HHIPL1: variants seen among roughly 807,000 people sequenced by gnomAD.
HHIPL1 encodes the protein HHIP-like protein 1.
Under a neutral mutation model 61.8 loss-of-function variants are expected in HHIPL1, and 43 were observed. That is an observed-to-expected ratio of 0.70 (90% confidence interval 0.55 to 0.90). HHIPL1 has a LOEUF of 0.90. Ranked by LOEUF, HHIPL1 falls within the 40% of genes least tolerant of loss-of-function variation. HHIPL1 has a pLI of 0.00. For synonymous variants in HHIPL1, 482 were observed against 515.8 expected (o/e 0.93, Z 0.89); for missense variants, 1,056 against 1,157.7 (o/e 0.91, Z 1.28).
Position 99,675,411 on chromosome 14 carries a change from G to T in HHIPL1, c.2134G>T (p.Val712Leu). 6.5e-7 allele frequency: 1 copy of T among 1,529,848 alleles called. No individual in the cohort carries two copies. Among genetic ancestry groups the T allele is most frequent in the Non-Finnish European group, 8.8e-7 (1 of 1,141,726 alleles). The allele number at this position is 1,529,848 out of a possible 1,614,324, so 94.8% of individuals were successfully genotyped here. A position where few individuals can be genotyped will look rare whatever the true frequency, so the allele number is the denominator to read the frequency against. ...CTGGAACATCAGCGGCGCCGCCGTC[G>T]TGTGTCGCCAGCTGGGGTTTGCCTA... ...DSWNISGAAV[V>L]CRQLGFAYAV... Residue 712 changes from valine (V) to leucine (L), a missense_variant, in exon 9 of 9, where the codon GTG becomes TTG. Physicochemically the swap from Val to Leu is conservative, Grantham distance 32. Coordinates refer to ENST00000330710, the MANE Select transcript of HHIPL1 (RefSeq NM_001127258.3). The surrounding 1 kb of genome is among the most constrained non-coding windows in gnomAD (Gnocchi z 5.4).
chr14:99,672,898 C>T (rs1222280806), intron 8 of HHIPL1, among the ~76,000 whole-genome samples: 1 of 152,160 alleles, frequency 6.6e-6, no homozygotes, highest in Non-Finnish European at 1.5e-5. Context: ...AACAAAGACC[C>T]TGTGTTGCCA....
chr14:99,654,460 C>T (rs960674120), intron 2 of HHIPL1, among the ~76,000 whole-genome samples: 1 of 152,210 alleles, frequency 6.6e-6, no homozygotes, highest in South Asian at 2.1e-4. Context: ...GTGCTCCTCC[C>T]TCTCCAGGCT....
chr14:99,637,728 G>T, the HHIPL1 span, among the ~76,000 whole-genome samples: 1 of 152,190 alleles, frequency 6.6e-6, no homozygotes, highest in Non-Finnish European at 1.5e-5. Context: ...TGAGGCTCAC[G>T]TGAGGCCATG....
chr14:99,631,870 C>T, the HHIPL1 span, among the ~76,000 whole-genome samples: 1 of 152,212 alleles, frequency 6.6e-6, no homozygotes. Context: ...GTCCTACTGG[C>T]CAAAGTGCCC....
intron 1 of HHIPL1, 139 bp from the exon 2 acceptor site, chr14:99,652,085 G>C: frequency 2.7e-6 from 2 of 728,300 alleles, no homozygotes; most frequent in Admixed American, 5.6e-5. Flanking sequence ...GAGGCTTATC[G>C]TGGTAACAGG....
Position 99,675,040 on chromosome 14 carries a change from C to T in HHIPL1, c.1814-51C>T. 1 of 1,031,604 alleles carries T rather than the reference C, an allele frequency of 9.7e-7. No individual in the cohort carries two copies. The highest frequency in any genetic ancestry group is 1.2e-6 in the Non-Finnish European group (1 of 834,528). 63.9% of individuals were successfully genotyped at this position (1,031,604 alleles called of 1,614,324 possible). On this transcript the variant is annotated intron_variant, in intron 8 of 8. Coordinates refer to ENST00000330710, the MANE Select transcript of HHIPL1 (RefSeq NM_001127258.3). The surrounding 1 kb of genome is among the most constrained non-coding windows in gnomAD (Gnocchi z 5.4). ...GGGCAGCACAGGGTGGGCAGCAGGG[C>T]TGGACAGGGGCGCCTGGGTCCCTCT...
intron 1 of HHIPL1, among the ~76,000 whole-genome samples, chr14:99,649,425 G>T (rs2055891631): frequency 6.6e-6 from 1 of 152,236 alleles, no homozygotes; most frequent in Non-Finnish European, 1.5e-5. Flanking sequence ...GCATCATGAG[G>T]CTTGGGTGTG....
the HHIPL1 span, among the ~76,000 whole-genome samples, chr14:99,637,180 G>GAA: frequency 7.7e-6 from 1 of 129,602 alleles, no homozygotes; most frequent in Non-Finnish European, 1.7e-5. Context: ...AAGAAAGAAA[G>GAA]AAAGAATGGA....
chr14:99,620,892 A>G, the HHIPL1 span, among the ~76,000 whole-genome samples: 1 of 152,212 alleles, frequency 6.6e-6, no homozygotes, highest in Non-Finnish European at 1.5e-5. Flanking sequence ...CGCCACTGCC[A>G]CCAGCTCACT....
intron 6 of HHIPL1, among the ~76,000 whole-genome samples, chr14:99,663,842 T>TGCCGGTTA (rs1317405792): frequency 1.3e-5 from 2 of 152,212 alleles, no homozygotes; most frequent in Non-Finnish European, 2.9e-5. Context: ...TAAGCGTCCA[T>TGCCGGTTA]GCCGGTTAGC....
intron 6 of HHIPL1, 45 bp downstream of exon 6, chr14:99,663,066 G>C: frequency 6.5e-7 from 1 of 1,549,566 alleles, no homozygotes. Flanking sequence ...TCGTGCCTGG[G>C]ACTGGTCCTC....
chr14:99,609,502 G>GC, the HHIPL1 span, among the ~76,000 whole-genome samples: 1 of 152,234 alleles, frequency 6.6e-6, no homozygotes, highest in African/African-American at 2.4e-5. Flanking sequence ...TCTGGGTATG[G>GC]CCCTGGGCTG....
At position 99,675,478 on chromosome 14, in the gene HHIPL1, G is replaced by A; in HGVS notation, c.2201G>A (p.Gly734Asp). Residue 734 changes from glycine to aspartate, a missense_variant, in exon 9 of 9, where the codon GGC (glycine) becomes GAC (aspartate). Gly to Asp is a moderately conservative substitution (Grantham distance 94, BLOSUM62 -1). Coordinates refer to ENST00000330710, the MANE Select transcript of HHIPL1 (RefSeq NM_001127258.3). This position sits in a 1 kb window ranked among gnomAD's most constrained non-coding sequence, Gnocchi z 5.4. ...AVKRAEFGQG[G>D]SLPILLDDVR... The stretch of plus-strand genomic sequence containing the variant: ...AAGAGAGCCGAGTTCGGCCAGGGCG[G>A]CTCGCTGCCCATTCTGCTGGACGAT... The A allele has an allele frequency of 1.9e-6, 3 of 1,541,690 alleles. No individual in the cohort carries two copies. Among genetic ancestry groups the A allele is most frequent in the Non-Finnish European group, 1.7e-6 (2 of 1,146,338 alleles).
rs1444606991 is a variant in HHIPL1 at position 99,659,857 on chromosome 14, C to G, written c.1375+101C>G. 8.5e-5 allele frequency: 53 copies of G among 620,884 alleles called. 4 individuals carry two copies. Among genetic ancestry groups the G allele is most frequent in the Non-Finnish European group, 1.2e-4 (49 of 425,478 alleles). 38.5% of individuals were successfully genotyped at this position (620,884 alleles called of 1,614,324 possible). ...CCCTCGGAGACCGCACCCCCCCCCCCCCGGAGATCCCTGACCCTGAGTCTG... is the reference window on the plus strand; with the variant it reads ...CCCTCGGAGACCGCACCCCCCCCCCGCCGGAGATCCCTGACCCTGAGTCTG... On this transcript the variant is annotated intron_variant, in intron 4 of 8. Coordinates refer to ENST00000330710, the MANE Select transcript of HHIPL1 (RefSeq NM_001127258.3).
chr14:99,620,639 ACAGGGGC>A, the HHIPL1 span, among the ~76,000 whole-genome samples: 1 of 152,172 alleles, frequency 6.6e-6, no homozygotes, highest in East Asian at 1.9e-4. Flanking sequence ...GGAAAGGGGG[ACAGGGGC>A]CACTGTGGGA....
At chr14:99,653,239 A>C (rs1443295379) in intron 2 of HHIPL1, among the ~76,000 whole-genome samples, 1 of 152,198 alleles carries the variant, frequency 6.6e-6, no homozygotes, top group Non-Finnish European at 1.5e-5. Flanking sequence ...TCACACGGGG[A>C]GGGAGGGTCA....
intron 5 of HHIPL1, among the ~76,000 whole-genome samples, chr14:99,661,925 C>T (rs142988703): frequency 6.6e-6 from 1 of 152,146 alleles, no homozygotes; most frequent in Non-Finnish European, 1.5e-5. Flanking sequence ...CTGACCTGGG[C>T]CCCTGGAAGT....
chr14:99,674,942 C>T (rs1009419118), intron 8 of HHIPL1, 149 bp from the exon 9 acceptor site: 20 of 292,716 alleles, frequency 6.8e-5, no homozygotes, highest in South Asian at 1.4e-4. Context: ...GGCGGCATCC[C>T]GTCTTCTGGG....
the HHIPL1 span, among the ~76,000 whole-genome samples, chr14:99,637,000 GAAGA>G: frequency 0.15 from 11,511 of 76,768 alleles, 1,040 homozygotes; most frequent in African/African-American, 0.19. Flanking sequence ...AAGAAAGAAA[GAAGA>G]AAGAAAGAAA....
Sources: gnomAD v4.1 joint callset for allele counts (sites outside exome capture counted in the v4.1 genomes callset) on GRCh38, gnomAD v4.1.1 for gene constraint, Gnocchi (gnomAD v3.1) non-coding constraint, MANE v1.5 for transcripts, NCBI Gene and HGNC (gene_info 2026-07-23, HGNC 2026-07-21) for gene names.